Variants in ANGPT2 observed in about 807,000 individuals in gnomAD.
ANGPT2 encodes the protein angiopoietin-2.
Under a neutral mutation model 62.9 loss-of-function variants are expected in ANGPT2, and 28 were observed. The ratio of observed to expected loss-of-function variants is 0.44; its 90% CI spans 0.33 to 0.61. The LOEUF is 0.61. ANGPT2 is among the 20% of genes least tolerant of loss of function. ANGPT2 has a pLI of 0.03. For missense variants in ANGPT2, 727 were observed against 594.9 expected (o/e 1.22, Z -2.31); for synonymous variants, 284 against 207.8 (o/e 1.37, Z -3.15).
At position 6,530,083 on chromosome 8, in the gene ANGPT2, A is replaced by G. The variant is rs79562959; in HGVS notation, c.444+2249T>C. On this transcript the variant is annotated intron_variant, in intron 2 of 8. Coordinates refer to ENST00000629816, the MANE Select transcript of ANGPT2 (RefSeq NM_001118887.2). ...TATTTTAAAATATAAGAAATGTTGTAGTTTAAAAATGCTTATGAGACATTT... is the reference window on the plus strand; with the variant it reads ...TATTTTAAAATATAAGAAATGTTGTGGTTTAAAAATGCTTATGAGACATTT... Among the ~76,000 whole-genome samples the G allele has an allele frequency of 2.4e-4, 37 of 152,270 alleles. No homozygotes were observed. In the East Asian group the frequency reaches 4.4e-3, roughly 18 times the overall value.
intron 1 of ANGPT2, 85 bp downstream of exon 1, chr8:6,562,562 T>TTTTTTTTTTTTTTTTTTTG: frequency 4.9e-6 from 1 of 203,142 alleles, no homozygotes; most frequent in African/African-American, 2.4e-5. Context: ...CTTTTTTTTT[T>TTTTTTTTTTTTTTTTTTTG]TTTTTTTTTG....
chr8:6,511,678 C>T (rs370000133), intron 7 of ANGPT2, among the ~76,000 whole-genome samples: 18 of 152,080 alleles, frequency 1.2e-4, no homozygotes, highest in Admixed American at 6.5e-4. Context: ...TAATAATTTT[C>T]GATGTAATAT....
At chr8:6,531,977 T>A (rs1819604493) in intron 2 of ANGPT2, among the ~76,000 whole-genome samples, 1 of 152,150 alleles carries the variant, frequency 6.6e-6, no homozygotes, top group Admixed American at 6.5e-5. Flanking sequence ...TTCTCAAATG[T>A]TCAAAGACTT....
intron 1 of ANGPT2, among the ~76,000 whole-genome samples, chr8:6,555,109 A>AT (rs1026540245): frequency 9.2e-5 from 14 of 152,024 alleles, no homozygotes; most frequent in Non-Finnish European, 1.6e-4. Context: ...ACTACCCATG[A>AT]TTTTTTTTAC....
chr8:6,535,002 G>C (rs1820234562), intron 1 of ANGPT2, among the ~76,000 whole-genome samples: 1 of 152,208 alleles, frequency 6.6e-6, no homozygotes, highest in African/African-American at 2.4e-5. Flanking sequence ...CCCCAGCCAA[G>C]ATAATATTTA....
At chr8:6,544,591 G>A (rs1388287799) in intron 1 of ANGPT2, among the ~76,000 whole-genome samples, 2 of 151,978 alleles carry the variant, frequency 1.3e-5, no homozygotes, top group East Asian at 1.9e-4. Flanking sequence ...TGTATTGGAG[G>A]GGGAGAGGGT....
intron 1 of ANGPT2, 36 bp from the exon 2 acceptor site, chr8:6,532,523 C>A (rs1363743344): frequency 6.6e-7 from 1 of 1,511,416 alleles, no homozygotes; most frequent in East Asian, 2.4e-5. Context: ...AGTCATTAGT[C>A]AAATGACCGG....
At chr8:6,509,471 C>T (rs1375073172) in intron 7 of ANGPT2, among the ~76,000 whole-genome samples, 2 of 152,160 alleles carry the variant, frequency 1.3e-5, no homozygotes, top group Non-Finnish European at 2.9e-5. Flanking sequence ...CGCAGGGGGC[C>T]CCGGGGGGGA....
At chr8:6,525,167 T>C (rs779434065) in intron 3 of ANGPT2, among the ~76,000 whole-genome samples, 6 of 152,208 alleles carry the variant, frequency 3.9e-5, no homozygotes, top group Non-Finnish European at 7.3e-5. Context: ...ATTACATATC[T>C]CGCCCATAAG....
At chr8:6,504,798 T>C (rs1031556983) in intron 8 of ANGPT2, among the ~76,000 whole-genome samples, 1 of 152,192 alleles carries the variant, frequency 6.6e-6, no homozygotes, top group Non-Finnish European at 1.5e-5. Flanking sequence ...GTTTACAAAC[T>C]AAACTTTGTA....
intron 8 of ANGPT2, among the ~76,000 whole-genome samples, chr8:6,504,261 T>A (rs1586171275): frequency 1.5e-5 from 2 of 134,020 alleles, no homozygotes; most frequent in Admixed American, 9.4e-5. Context: ...GAGCTTGCAG[T>A]GAGCCGAGAT....
intron 1 of ANGPT2, among the ~76,000 whole-genome samples, chr8:6,534,554 C>T (rs1820159598): frequency 6.6e-6 from 1 of 152,066 alleles, no homozygotes; most frequent in Admixed American, 6.5e-5. Flanking sequence ...CGAGCGTGAG[C>T]CAGCACATCT....
intron 5 of ANGPT2, among the ~76,000 whole-genome samples, chr8:6,517,495 G>T (rs1670904101): frequency 6.6e-6 from 1 of 152,202 alleles, no homozygotes; most frequent in Non-Finnish European, 1.5e-5. Flanking sequence ...AACTAAAGCT[G>T]CAGTATTTTG....
chr8:6,548,475 G>A (rs1012769274), intron 1 of ANGPT2, among the ~76,000 whole-genome samples: 1 of 152,144 alleles, frequency 6.6e-6, no homozygotes, highest in Admixed American at 6.5e-5. Context: ...TGCCCAGCTC[G>A]AGGAAAATGC....
chr8:6,505,275 T>TATA (rs1225783702), intron 8 of ANGPT2, among the ~76,000 whole-genome samples: 410 of 26,982 alleles, frequency 0.015, 81 homozygotes, highest in African/African-American at 0.068. Flanking sequence ...TATATATGTA[T>TATA]ACATATATAT....
At chr8:6,505,762 AG>A (rs1813510860) in intron 8 of ANGPT2, among the ~76,000 whole-genome samples, 1 of 133,806 alleles carries the variant, frequency 7.5e-6, no homozygotes, top group Admixed American at 7.9e-5. Flanking sequence ...ACGTATATAT[AG>A]AATATATATA....
intron 2 of ANGPT2, among the ~76,000 whole-genome samples, chr8:6,528,239 A>G (rs556754957): frequency 3.3e-5 from 5 of 152,322 alleles, no homozygotes; most frequent in African/African-American, 7.2e-5. Flanking sequence ...GTTCTGGACA[A>G]TGGGGTCTGT....
At chr8:6,523,652 C>T (rs1246278345) in intron 3 of ANGPT2, among the ~76,000 whole-genome samples, 3 of 152,088 alleles carry the variant, frequency 2.0e-5, no homozygotes, top group African/African-American at 7.2e-5. Flanking sequence ...TGCAGTGGCG[C>T]GATCTCAGCT....
At chr8:6,543,340 A>T (rs907511092) in intron 1 of ANGPT2, among the ~76,000 whole-genome samples, 1 of 152,144 alleles carries the variant, frequency 6.6e-6, no homozygotes, top group Non-Finnish European at 1.5e-5. Flanking sequence ...AGTATGGGTG[A>T]TGGCTCTCCA....
Sources: allele counts gnomAD v4.1 joint callset (sites outside exome capture counted in the v4.1 genomes callset), GRCh38; gene constraint gnomAD v4.1.1; transcripts MANE v1.5; gene names NCBI Gene and HGNC (gene_info 2026-07-23, HGNC 2026-07-21).